Variants in LEKR1 observed in about 807,000 individuals in gnomAD.
The protein encoded by LEKR1 is protein LEKR1.
Under a neutral mutation model 72.4 loss-of-function variants are expected in LEKR1, and 59 were observed. The observed-to-expected ratio is 0.82, with a 90% CI of 0.66 to 1.01. The LOEUF (loss-of-function observed/expected upper bound fraction) is 1.01. Among genes scored for constraint, LEKR1 ranks in the 50% least tolerant of loss-of-function variants. The probability of loss-of-function intolerance (pLI) is 0.00; values close to 1 mark genes in which losing one functional copy is unlikely to be tolerated. For synonymous variants in LEKR1, 257 were observed against 263.2 expected, an observed-to-expected ratio of 0.98 and a Z score of 0.23; for missense variants, 728 against 759.2, an observed-to-expected ratio of 0.96 and a Z score of 0.48.
Position 156,923,190 on chromosome 3 carries a change from TAAG to T in LEKR1, c.383+2497_383+2499del, listed in dbSNP as rs568274954. Among the ~76,000 whole-genome samples, 8 of 152,288 alleles carry T rather than the reference TAAG, an allele frequency of 5.3e-5. No individual in the cohort carries two copies. The South Asian group carries it at 1.7e-3, about 32-fold the overall frequency. ...TGCATACCACAAAATTCACCTATCT[TAAG>T]GAGACAATTTAATTATTTTTAATAA... On this transcript the variant is annotated intron_variant, in intron 4 of 12. Transcript: ENST00000356539.
At chr3:156,996,723 T>C (rs1731600252) in intron 9 of LEKR1, among the ~76,000 whole-genome samples, 1 of 152,096 alleles carries the variant, frequency 6.6e-6, no homozygotes. Context: ...GTCAAGTGGG[T>C]AGTAGTAAAA....
At chr3:156,955,361 G>A (rs141216369) in intron 6 of LEKR1, among the ~76,000 whole-genome samples, 10 of 151,742 alleles carry the variant, frequency 6.6e-5, no homozygotes, top group African/African-American at 1.7e-4. Flanking sequence ...TGATTGCTCC[G>A]GCCAGAACTT....
intron 2 of LEKR1, among the ~76,000 whole-genome samples, chr3:156,833,431 TAAC>T (rs1207162664): frequency 6.6e-6 from 1 of 152,222 alleles, no homozygotes; most frequent in Admixed American, 6.5e-5. Context: ...AAGACTCAAT[TAAC>T]AAGGAAATTT....
chr3:156,939,921 T>C (rs1250160252), intron 5 of LEKR1, among the ~76,000 whole-genome samples: 1 of 152,166 alleles, frequency 6.6e-6, no homozygotes, highest in Admixed American at 6.6e-5. Flanking sequence ...ACAAAATTTA[T>C]GAAATTAGGG....
intron 2 of LEKR1, among the ~76,000 whole-genome samples, chr3:156,843,484 A>G (rs1714192336): frequency 6.6e-6 from 1 of 152,136 alleles, no homozygotes; most frequent in East Asian, 1.9e-4. Context: ...GTAAAAAAAA[A>G]GAGACCAGAG....
intron 9 of LEKR1, among the ~76,000 whole-genome samples, chr3:156,998,868 C>T (rs1228611926): frequency 6.6e-6 from 1 of 151,988 alleles, no homozygotes; most frequent in East Asian, 1.9e-4. Flanking sequence ...AGCTATGAAC[C>T]CTCACTGATA....
At chr3:156,942,958 A>G (rs1004071714) in intron 6 of LEKR1, among the ~76,000 whole-genome samples, 1 of 151,952 alleles carries the variant, frequency 6.6e-6, no homozygotes, top group African/African-American at 2.4e-5. Flanking sequence ...TTTCAACTGC[A>G]ACGTAAGATT....
At chr3:156,988,269 C>A in intron 7 of LEKR1, 1 of 201,824 alleles carries the variant, frequency 5.0e-6, no homozygotes, top group East Asian at 1.2e-4. Flanking sequence ...GATGGTTGGC[C>A]TTACAGCGGT....
intron 6 of LEKR1, among the ~76,000 whole-genome samples, chr3:156,957,352 AC>A (rs1727740454): frequency 6.6e-6 from 1 of 152,092 alleles, no homozygotes; most frequent in Non-Finnish European, 1.5e-5. Context: ...GTATTTGTGA[AC>A]AGAAACCAGA....
Position 156,873,827 on chromosome 3 carries a change from A to T in LEKR1, c.263+20845A>T, listed in dbSNP as rs549704835. Among the ~76,000 whole-genome samples, 6 of 152,158 alleles carry T rather than the reference A, an allele frequency of 3.9e-5. No individual in the cohort carries two copies. In the South Asian group the frequency reaches 1.2e-3, roughly 32 times the overall value. ...TTCAGTACTTTTAGAATATCATCCC[A>T]TTCTTTCCTGGCCCATAAAGTTTCT... On this transcript the variant is annotated intron_variant, in intron 3 of 12. Coordinates refer to ENST00000356539, the MANE Select transcript of LEKR1 (RefSeq NM_001004316.3).
intron 6 of LEKR1, among the ~76,000 whole-genome samples, chr3:156,968,470 G>A (rs1728836004): frequency 1.3e-5 from 2 of 152,238 alleles, no homozygotes; most frequent in South Asian, 2.1e-4. Context: ...GGCAGGAGTT[G>A]CAATCCTAGT....
At chr3:156,864,663 C>T (rs1006981776) in intron 3 of LEKR1, among the ~76,000 whole-genome samples, 3 of 152,034 alleles carry the variant, frequency 2.0e-5, no homozygotes, top group Non-Finnish European at 2.9e-5. Flanking sequence ...TAATTCAGAT[C>T]ATCATTTATT....
chr3:156,842,085 T>A (rs1178771491), intron 2 of LEKR1, among the ~76,000 whole-genome samples: 1 of 152,120 alleles, frequency 6.6e-6, no homozygotes, highest in Non-Finnish European at 1.5e-5. Flanking sequence ...AACAATTTCA[T>A]CCCAAAATCA....
intron 6 of LEKR1, among the ~76,000 whole-genome samples, chr3:156,959,225 G>A (rs1346976441): frequency 6.6e-6 from 1 of 152,082 alleles, no homozygotes; most frequent in Non-Finnish European, 1.5e-5. Flanking sequence ...TCAAATAAGG[G>A]CAGACTGATA....
At chr3:156,844,910 T>TTG (rs1254483581) in intron 2 of LEKR1, among the ~76,000 whole-genome samples, 5 of 150,394 alleles carry the variant, frequency 3.3e-5, no homozygotes, top group South Asian at 2.1e-4. Flanking sequence ...CTACAGGTTT[T>TTG]TTTTTTTTTT....
intron 6 of LEKR1, among the ~76,000 whole-genome samples, chr3:156,955,423 A>G (rs572367442): frequency 2.6e-5 from 4 of 152,062 alleles, no homozygotes; most frequent in African/African-American, 9.6e-5. Context: ...TGTTTATGCC[A>G]GTTTTCCAGG....
rs554588535 is a variant in LEKR1 at position 157,044,928 on chromosome 3, T to C, written c.1669-412T>C. Among the ~76,000 whole-genome samples, 4 of 152,370 alleles carry C rather than the reference T, an allele frequency of 2.6e-5. No individual in the cohort carries two copies. In the South Asian group the frequency reaches 8.3e-4, roughly 32 times the overall value. The stretch of plus-strand genomic sequence containing the variant: ...CTTCACTACAAAAGAATATATTTAA[T>C]GACTCTACAGCTATTAACTATTGAG... On this transcript the variant is annotated intron_variant, in intron 12 of 12. Transcript: ENST00000356539.
rs562839939 is a variant in LEKR1 at position 156,901,096 on chromosome 3, G to T, written c.264-19479G>T. On this transcript the variant is annotated intron_variant, in intron 3 of 12. Transcript: ENST00000356539. ...CACTGCAGCCTCGCCAACCCCAGTA[G>T]CTGGGATTATACGTATGATCCACTG... is the stretch of plus-strand genomic sequence containing the variant. Among the ~76,000 whole-genome samples, 475 of 151,592 alleles carry T rather than the reference G, an allele frequency of 3.1e-3. 2 individuals are homozygous for T. The highest frequency in any genetic ancestry group is 0.011 in the African/African-American group (450 of 40,920).
At position 156,891,020 on chromosome 3, in the gene LEKR1, C is replaced by T. The variant is rs974423381; in HGVS notation, c.264-29555C>T. 6.8e-5 allele frequency among the ~76,000 whole-genome samples: 10 copies of T among 147,404 alleles called. No homozygotes were observed. In the South Asian group the frequency reaches 1.1e-3, roughly 16 times the overall value. On this transcript the variant is annotated intron_variant, in intron 3 of 12. Coordinates refer to ENST00000356539, the MANE Select transcript of LEKR1 (RefSeq NM_001004316.3). ...GATTACAGGTGTGCACCACCATGGC[C>T]GGCTAATTTTTTTTTTTTTTTTGTA...
Sources: gnomAD v4.1 joint callset for allele counts (sites outside exome capture counted in the v4.1 genomes callset) on GRCh38, gnomAD v4.1.1 for gene constraint, MANE v1.5 for transcripts, NCBI Gene and HGNC (gene_info 2026-07-23, HGNC 2026-07-21) for gene names.